Variants in CNNM3 observed in about 807,000 individuals in gnomAD.
CNNM3 encodes metal transporter CNNM3.
CNNM3 carries 47 observed loss-of-function variants against 57.1 expected under a neutral mutation model. That is an observed-to-expected ratio of 0.82 (90% confidence interval 0.65 to 1.05). The LOEUF is 1.05. Among genes scored for constraint, CNNM3 ranks in the 50% least tolerant of loss-of-function variants. The pLI is 0.00. For missense variants in CNNM3, 957 were observed against 973.7 expected (o/e 0.98, Z 0.23); for synonymous variants, 507 against 478.2 (o/e 1.06, Z -0.79).
At chr2:96,825,900 A>G (rs2079494208) in intron 2 of CNNM3, among the ~76,000 whole-genome samples, 1 of 152,168 alleles carries the variant, frequency 6.6e-6, no homozygotes, top group Non-Finnish European at 1.5e-5. Flanking sequence ...GGTGGAAATA[A>G]GTCTTCCCAA....
chr2:96,831,304 C>A (rs150088061), intron 7 of CNNM3, among the ~76,000 whole-genome samples: 3 of 152,120 alleles, frequency 2.0e-5, no homozygotes, highest in Admixed American at 6.5e-5. Context: ...CTTCACTGTC[C>A]GGAGGAGCGT....
rs546364681 is a variant in CNNM3 at position 96,818,904 on chromosome 2, G to A, written c.1225+1402G>A. Among the ~76,000 whole-genome samples, 43 of 152,340 alleles carry A rather than the reference G, an allele frequency of 2.8e-4. 1 individual carries two copies. The highest frequency in any genetic ancestry group is 9.9e-4 in the African/African-American group (41 of 41,586). On this transcript the variant is annotated intron_variant, in intron 1 of 7. Coordinates refer to ENST00000305510, the MANE Select transcript of CNNM3 (RefSeq NM_017623.5). ...TTTGTGGCAGGATGTTTCTGGCACCGTCTGTTGAGAGCCCCTGGCCTGTCG... is the reference window on the plus strand; with the variant it reads ...TTTGTGGCAGGATGTTTCTGGCACCATCTGTTGAGAGCCCCTGGCCTGTCG...
chr2:96,826,517 A>G (rs1031321061), intron 2 of CNNM3, among the ~76,000 whole-genome samples: 4 of 152,202 alleles, frequency 2.6e-5, no homozygotes, highest in Non-Finnish European at 5.9e-5. Context: ...TCTGGCCTAA[A>G]TTTAAAAAAG....
chr2:96,827,226 A>G (rs1030012934), intron 3 of CNNM3, among the ~76,000 whole-genome samples: 1 of 150,934 alleles, frequency 6.6e-6, no homozygotes, highest in Non-Finnish European at 1.5e-5. Context: ...AGGGGGCCTC[A>G]GCTCTCAGCT....
At chr2:96,826,758 G>C (rs1308800018) in intron 2 of CNNM3, 75 bp from the exon 3 acceptor site, 2 of 1,550,430 alleles carry the variant, frequency 1.3e-6, no homozygotes, top group Non-Finnish European at 1.8e-6. Context: ...AGGAGCAGGC[G>C]ATGCAGCCCC....
intron 3 of CNNM3, 51 bp from the exon 4 acceptor site, chr2:96,827,680 A>G (rs766111921): frequency 7.6e-6 from 12 of 1,569,994 alleles, no homozygotes; most frequent in East Asian, 2.3e-5. Context: ...GTGTGGTTCC[A>G]CTGGCCACTA....
At position 96,827,105 on chromosome 2, in the gene CNNM3, C is replaced by G. The variant is rs1367225335; in HGVS notation, c.1519+123C>G. 4 of 1,047,572 alleles carry G rather than the reference C, an allele frequency of 3.8e-6. No individual in the cohort carries two copies. In the African/African-American group the frequency reaches 4.8e-5, roughly 13 times the overall value. 64.9% of individuals were successfully genotyped at this position (1,047,572 alleles called of 1,614,324 possible). ...GCAGGCGGGTGCGTCTTGAGGACTTCTGTGTTCTCTGCAGCCCTGCCAGCA... is the reference window on the plus strand; with the variant it reads ...GCAGGCGGGTGCGTCTTGAGGACTTGTGTGTTCTCTGCAGCCCTGCCAGCA... On this transcript the variant is annotated intron_variant, in intron 3 of 7. Transcript: ENST00000305510.
intron 7 of CNNM3, 118 bp downstream of exon 7, chr2:96,829,252 C>T (rs1001893642): frequency 3.5e-5 from 46 of 1,325,126 alleles, no homozygotes; most frequent in Non-Finnish European, 1.9e-6. Flanking sequence ...TCTTTTCTCC[C>T]CATCCTTTTC....
downstream of CNNM3, among the ~76,000 whole-genome samples, chr2:96,835,470 T>C (rs2079676761): frequency 2.9e-5 from 3 of 103,118 alleles, no homozygotes; most frequent in South Asian, 8.1e-4. Flanking sequence ...ACAATCAAAC[T>C]TTTTTTTTTT....
At chr2:96,822,466 TC>T (rs1022562969) in intron 1 of CNNM3, among the ~76,000 whole-genome samples, 1 of 152,084 alleles carries the variant, frequency 6.6e-6, no homozygotes, top group Non-Finnish European at 1.5e-5. Flanking sequence ...AACACCACCA[TC>T]CCCAGCTAAT....
downstream of CNNM3, among the ~76,000 whole-genome samples, chr2:96,836,076 C>G (rs1417703286): frequency 1.7e-5 from 2 of 121,152 alleles, no homozygotes; most frequent in African/African-American, 9.1e-5. Flanking sequence ...TTTCACCCCT[C>G]CCCCTCCCCC....
chr2:96,826,913 T>A lies in CNNM3; in HGVS notation c.1450T>A (p.Ser484Thr). The change falls in exon 3 of 8, where the codon TCT becomes ACT. Residue 484 changes from serine (S) to threonine (T), a missense_variant. This residue lies in a region of CNNM3 where 491 missense variants were observed against 570.6 expected (regional missense o/e 0.86). Coordinates refer to ENST00000305510, the MANE Select transcript of CNNM3 (RefSeq NM_017623.5). The stretch of plus-strand genomic sequence containing the variant: ...GGAGGAGTTCTCCTTGTTCAAGGTG[T>A]CTGATGATGAATATAAAGTAACAAT... ...RKEEFSLFKV[S>T]DDEYKVTISP... 1 of 1,614,222 alleles carries A rather than the reference T, an allele frequency of 6.2e-7. No homozygotes were observed. The highest frequency in any genetic ancestry group is 8.5e-7 in the Non-Finnish European group (1 of 1,180,028).
In CNNM3 at chr2:96,827,712, T is replaced by C. The variant is rs751211274; in HGVS notation, c.1520-19T>C. 1 of 1,603,676 alleles carries C rather than the reference T, an allele frequency of 6.2e-7. No individual in the cohort carries two copies. The highest frequency in any genetic ancestry group is 1.1e-5 in the South Asian group (1 of 90,364). On this transcript the variant is annotated intron_variant, in intron 3 of 7. Transcript: ENST00000305510. ...ACTAGGCCCCAGTGGACACTGTCCC[T>C]TTTTTCCACCACGTGCAGAAGTGGA...
chr2:96,820,904 G>A (rs2079394893), intron 1 of CNNM3, among the ~76,000 whole-genome samples: 1 of 152,190 alleles, frequency 6.6e-6, no homozygotes, highest in African/African-American at 2.4e-5. Flanking sequence ...GGAAATTAGA[G>A]AGGCCAGGGT....
chr2:96,828,996 G>T lies in CNNM3; in HGVS notation c.1921G>T (p.Val641Phe). The T allele has an allele frequency of 1.2e-6, 2 of 1,613,498 alleles. No individual in the cohort carries two copies. Among genetic ancestry groups the T allele is most frequent in the Non-Finnish European group, 1.7e-6 (2 of 1,179,670 alleles). ...TCCCAGTAACGCTGTCATCCTCCAG[G>T]TTACGCGACTGCAGTACCTCAATGC... The part of the protein sequence containing the change: ...RALSDLQLIK[V>F]TRLQYLNALL... The change falls in exon 7 of 8, where the codon GTT (valine) becomes TTT (phenylalanine). Residue 641 changes from valine to phenylalanine, a missense_variant and splice_region_variant. Val to Phe is a conservative substitution (Grantham distance 50). Transcript: ENST00000305510.
At chr2:96,830,842 T>C (rs930198969) in intron 7 of CNNM3, among the ~76,000 whole-genome samples, 3 of 152,196 alleles carry the variant, frequency 2.0e-5, no homozygotes, top group African/African-American at 7.2e-5. Flanking sequence ...GAGGCTTCTG[T>C]GCTTACCCAC....
At position 96,816,637 on chromosome 2, in the gene CNNM3, C is replaced by T. The variant is rs908629279; in HGVS notation, c.360C>T (p.Arg120=). The T allele has an allele frequency of 5.3e-6, 6 of 1,126,254 alleles. No individual in the cohort carries two copies. The highest frequency in any genetic ancestry group is 6.5e-6 in the Non-Finnish European group (6 of 921,696). 69.8% of individuals were successfully genotyped at this position (1,126,254 alleles called of 1,614,324 possible). A position where few individuals can be genotyped will look rare whatever the true frequency, so the allele number is the denominator to read the frequency against. Residue 120 remains arginine, a synonymous_variant, in exon 1 of 8, where the codon CGC becomes CGT. Coordinates refer to ENST00000305510, the MANE Select transcript of CNNM3 (RefSeq NM_017623.5). ...VRPHSALLAV[R]VEPGGGAAEE... ...CGCACTCGGCGCTGCTGGCGGTGCGCGTGGAGCCGGGTGGCGGGGCGGCTG... is the reference window on the plus strand; with the variant it reads ...CGCACTCGGCGCTGCTGGCGGTGCGTGTGGAGCCGGGTGGCGGGGCGGCTG...
intron 7 of CNNM3, among the ~76,000 whole-genome samples, chr2:96,830,599 G>A (rs577865577): frequency 9.9e-5 from 15 of 152,218 alleles, no homozygotes; most frequent in Non-Finnish European, 1.8e-4. Context: ...CCAGATCTGG[G>A]TGTTGGCAAA....
intron 2 of CNNM3, among the ~76,000 whole-genome samples, chr2:96,825,643 C>A (rs554088280): frequency 1.3e-5 from 2 of 152,354 alleles, no homozygotes; most frequent in East Asian, 3.9e-4. Context: ...TGGCTCACGC[C>A]TGTAATCCCA....
Sources: gnomAD v4.1 joint callset for allele counts (sites outside exome capture counted in the v4.1 genomes callset) on GRCh38, gnomAD v4.1.1 for gene constraint, gnomAD v4.1.1 regional missense constraint, MANE v1.5 for transcripts, NCBI Gene and HGNC (gene_info 2026-07-23, HGNC 2026-07-21) for gene names.